HELZ: variants seen among roughly 807,000 people sequenced by gnomAD.
The protein encoded by HELZ is ATP-dependent RNA helicase with zinc finger domain.
HELZ carries 23 observed loss-of-function variants against 218.2 expected under a neutral mutation model. That is an observed-to-expected ratio of 0.11 (90% CI 0.08 to 0.15). HELZ has a LOEUF of 0.15. HELZ is among the 10% of genes least tolerant of loss of function. The probability of loss-of-function intolerance (pLI) is 1.00; values close to 1 mark genes in which losing one functional copy is unlikely to be tolerated. For synonymous variants in HELZ, 814 were observed against 829.4 expected (o/e 0.98, Z 0.32); for missense variants, 1,813 against 2,353.7 (o/e 0.77, Z 4.75).
At chr17:67,122,785 T>C (rs978880069) in intron 26 of HELZ, among the ~76,000 whole-genome samples, 185 bp downstream of exon 26, 5 of 152,182 alleles carry the variant, frequency 3.3e-5, no homozygotes, top group Admixed American at 1.3e-4. Context: ...AGTAACCTAA[T>C]AACAAATTGT....
chr17:67,121,144 T>G (rs1448461823), intron 26 of HELZ, among the ~76,000 whole-genome samples: 7 of 152,246 alleles, frequency 4.6e-5, no homozygotes, highest in Non-Finnish European at 8.8e-5. Flanking sequence ...ATAGGTCATC[T>G]GTGCTTTTAA....
chr17:67,139,621 G>A (rs971659419), intron 21 of HELZ, among the ~76,000 whole-genome samples: 3 of 152,144 alleles, frequency 2.0e-5, no homozygotes, highest in African/African-American at 7.2e-5. Flanking sequence ...ATCATTCAAA[G>A]TCTCTAAAGA....
chr17:67,096,954 G>A (rs1433989093), intron 31 of HELZ, among the ~76,000 whole-genome samples: 1 of 152,172 alleles, frequency 6.6e-6, no homozygotes, highest in Non-Finnish European at 1.5e-5. Context: ...CTTAGCTTTT[G>A]ACATGCCATT....
intron 21 of HELZ, among the ~76,000 whole-genome samples, chr17:67,138,507 G>A (rs2038221397): frequency 6.6e-6 from 1 of 152,164 alleles, no homozygotes; most frequent in African/African-American, 2.4e-5. Context: ...TCAGGCCAAT[G>A]AAACTAACCA....
intron 15 of HELZ, among the ~76,000 whole-genome samples, chr17:67,162,529 T>A (rs185670184): frequency 2.6e-5 from 4 of 152,142 alleles, no homozygotes; most frequent in Non-Finnish European, 5.9e-5. Context: ...CTAATGTATG[T>A]AGCATTAGAT....
rs557017893 is a variant in HELZ at position 67,196,628 on chromosome 17, A to G, written c.430-1158T>C. ...TGGGTGCATGGGTGGGTGGATGGGA[A>G]CATGGGTGGGTGGATGGGAACATGG... On this transcript the variant is annotated intron_variant, in intron 7 of 32. Transcript: ENST00000358691. 4.1e-5 allele frequency among the ~76,000 whole-genome samples: 6 copies of G among 147,286 alleles called. 1 individual carries two copies. The highest frequency in any genetic ancestry group is 8.9e-5 in the Non-Finnish European group (6 of 67,142).
intron 2 of HELZ, among the ~76,000 whole-genome samples, chr17:67,243,486 T>C (rs775168904): frequency 5.3e-5 from 8 of 152,190 alleles, no homozygotes; most frequent in Non-Finnish European, 1.0e-4. Context: ...GCAAGAAAAT[T>C]TGAATAGGCA....
intron 21 of HELZ, among the ~76,000 whole-genome samples, chr17:67,143,433 C>T (rs945574564): frequency 6.6e-6 from 1 of 151,944 alleles, no homozygotes; most frequent in East Asian, 1.9e-4. Context: ...CATAGTAAGA[C>T]CCCATCTCTA....
At chr17:67,141,424 A>C (rs2038320274) in intron 21 of HELZ, among the ~76,000 whole-genome samples, 1 of 151,828 alleles carries the variant, frequency 6.6e-6, no homozygotes, top group South Asian at 2.1e-4. Context: ...ATTTTTAAAA[A>C]ACATAAAATT....
chr17:67,156,004 A>G (rs2038830816), intron 17 of HELZ, among the ~76,000 whole-genome samples: 2 of 90,794 alleles, frequency 2.2e-5, no homozygotes, highest in Admixed American at 2.3e-4. Flanking sequence ...TATATAATAT[A>G]TACACACATA....
intron 31 of HELZ, among the ~76,000 whole-genome samples, chr17:67,089,694 G>GAGAGAGAGAGACAGAGAGACAGAGAGAC (rs776184027): frequency 5.1e-4 from 51 of 100,700 alleles, no homozygotes; most frequent in African/African-American, 2.0e-3. Flanking sequence ...GAGAGAGAGA[G>GAGAGAGAGAGACAGAGAGACAGAGAGAC]AGAGAGACAG....
intron 21 of HELZ, among the ~76,000 whole-genome samples, chr17:67,144,235 C>T (rs1276807774): frequency 1.3e-5 from 2 of 151,996 alleles, no homozygotes; most frequent in Non-Finnish European, 2.9e-5. Context: ...AAATTCAAAA[C>T]GCCTACACTG....
chr17:67,151,555 C>T (rs1160410471), intron 17 of HELZ, among the ~76,000 whole-genome samples: 1 of 152,190 alleles, frequency 6.6e-6, no homozygotes, highest in Non-Finnish European at 1.5e-5. Context: ...AAGTTCAAAA[C>T]ATTCCCATTC....
intron 23 of HELZ, among the ~76,000 whole-genome samples, chr17:67,132,978 A>C (rs2038032472): frequency 6.6e-6 from 1 of 152,232 alleles, no homozygotes; most frequent in Non-Finnish European, 1.5e-5. Flanking sequence ...ATCATATTAT[A>C]TTCTCTGAGC....
chr17:67,167,451 C>T lies in HELZ; in HGVS notation c.1764+12G>A, dbSNP rs1022174094. 1.3e-6 allele frequency: 2 copies of T among 1,591,260 alleles called. No homozygotes were observed. Among genetic ancestry groups the T allele is most frequent in the Non-Finnish European group, 1.7e-6 (2 of 1,160,968 alleles). ...CAGACCACTATGGTTAAGCTGCAAC[C>T]TTCAAACATACCTGTGTGTCACAGT... On this transcript the variant is annotated intron_variant, in intron 14 of 32. Transcript: ENST00000358691.
At chr17:67,215,464 C>T (rs1466300944) in intron 5 of HELZ, among the ~76,000 whole-genome samples, 1 of 151,898 alleles carries the variant, frequency 6.6e-6, no homozygotes, top group Non-Finnish European at 1.5e-5. Context: ...TTCTCCTGCC[C>T]CAGCCTCCCA....
At chr17:67,234,511 T>C (rs1190652879) in intron 3 of HELZ, among the ~76,000 whole-genome samples, 1 of 151,816 alleles carries the variant, frequency 6.6e-6, no homozygotes, top group East Asian at 1.9e-4. Flanking sequence ...CTCAGTTCTC[T>C]TCCCTACAAT....
chr17:67,104,592 A>C (rs2037040158), intron 31 of HELZ, among the ~76,000 whole-genome samples: 1 of 152,224 alleles, frequency 6.6e-6, no homozygotes, highest in South Asian at 2.1e-4. Context: ...GACACTATCA[A>C]GAAAGTGAAA....
rs979169068 is a variant in HELZ at position 67,213,645 on chromosome 17, G to T, written c.247+2254C>A. ...CAAAAAAAATAAATAAAATAAAATT[G>T]TAAGTGTACATACTCCTTAACCCAG... is the stretch of plus-strand genomic sequence containing the variant. On this transcript the variant is annotated intron_variant, in intron 5 of 32. Transcript: ENST00000358691. 7.2e-5 allele frequency among the ~76,000 whole-genome samples: 11 copies of T among 151,748 alleles called. 1 individual carries two copies. The South Asian group carries it at 1.7e-3, about 23-fold the overall frequency.
Sources: gnomAD v4.1 joint callset for allele counts (sites outside exome capture counted in the v4.1 genomes callset) on GRCh38, gnomAD v4.1.1 for gene constraint, MANE v1.5 for transcripts, NCBI Gene and HGNC (gene_info 2026-07-23, HGNC 2026-07-21) for gene names.